The following RPTOR variants were observed in gnomAD, a reference collection of about 807,000 sequenced individuals.
RPTOR encodes the protein regulatory-associated protein of mTOR.
RPTOR carries 21 observed loss-of-function variants against 169.9 expected under a neutral mutation model. The ratio of observed to expected loss-of-function variants is 0.12; its 90% CI spans 0.09 to 0.18. RPTOR has a LOEUF of 0.18. RPTOR is among the 10% of genes least tolerant of loss of function. The pLI, the probability that RPTOR is intolerant of heterozygous loss-of-function variation, is 1.00. For missense variants in RPTOR, 1,133 were observed against 1,855.9 expected, an observed-to-expected ratio of 0.61 and a Z score of 7.16; for synonymous variants, 732 against 753.2, an observed-to-expected ratio of 0.97 and a Z score of 0.46.
chr17:80,583,196 T>TTTTTTTTTTTTTG (rs1555717407), intron 1 of RPTOR, among the ~76,000 whole-genome samples: 2 of 137,374 alleles, frequency 1.5e-5, no homozygotes, highest in African/African-American at 5.5e-5. Context: ...TTTTTTTTTT[T>TTTTTTTTTTTTTG]TTTTTTTTTT....
chr17:80,952,720 C>G (rs955043623), intron 28 of RPTOR, among the ~76,000 whole-genome samples: 25 of 152,296 alleles, frequency 1.6e-4, no homozygotes, highest in African/African-American at 6.0e-4. Flanking sequence ...TTCTTCCCGA[C>G]CCAAGGTGTC....
chr17:80,695,320 T>C lies in RPTOR; in HGVS notation c.349-12521T>C, dbSNP rs1421309697. Among the ~76,000 whole-genome samples the C allele has an allele frequency of 3.9e-5, 6 of 152,144 alleles. No homozygotes were observed. The East Asian group carries it at 1.2e-3, about 29-fold the overall frequency. Reference sequence around the variant, plus strand: ...CGGGCAGGGCCCGCGTTAGTTTAGTTGTTTGTGGAGGAGAAAATTGAGGTT... The same window carrying C: ...CGGGCAGGGCCCGCGTTAGTTTAGTCGTTTGTGGAGGAGAAAATTGAGGTT... On this transcript the variant is annotated intron_variant, in intron 3 of 33. Coordinates refer to ENST00000306801, the MANE Select transcript of RPTOR (RefSeq NM_020761.3). The surrounding 1 kb of genome is among the most constrained non-coding windows in gnomAD (Gnocchi z 4.9).
At chr17:80,720,974 AGACACTTCCCC>A (rs775345747) in intron 4 of RPTOR, among the ~76,000 whole-genome samples, 11 of 151,052 alleles carry the variant, frequency 7.3e-5, no homozygotes, top group Non-Finnish European at 1.0e-4. Flanking sequence ...GTGTCGGGAG[AGACACTTCCCC>A]GACCCCTTGT....
chr17:80,895,193 G>T (rs2068382812), intron 20 of RPTOR, among the ~76,000 whole-genome samples: 1 of 152,160 alleles, frequency 6.6e-6, no homozygotes, highest in Non-Finnish European at 1.5e-5. Context: ...ACCCAGCTCT[G>T]CTGGGCCCCA....
intron 3 of RPTOR, among the ~76,000 whole-genome samples, chr17:80,687,313 A>G (rs1390950389): frequency 6.6e-6 from 1 of 152,060 alleles, no homozygotes; most frequent in Non-Finnish European, 1.5e-5. Flanking sequence ...CACATGCACC[A>G]TGGGGTGCTC....
At chr17:80,939,492 G>A (rs1416195771) in intron 24 of RPTOR, among the ~76,000 whole-genome samples, 1 of 152,214 alleles carries the variant, frequency 6.6e-6, no homozygotes, top group Non-Finnish European at 1.5e-5. Context: ...AATAAACTTG[G>A]TCTTTCTGAA....
At chr17:80,838,631 C>T (rs532271393) in intron 10 of RPTOR, among the ~76,000 whole-genome samples, 35 of 152,334 alleles carry the variant, frequency 2.3e-4, no homozygotes, top group African/African-American at 8.2e-4. Flanking sequence ...GAAAGAGGAG[C>T]CTCTCACATC....
At chr17:80,787,284 GTGTTGCTCA>G (rs2067002866) in intron 6 of RPTOR, among the ~76,000 whole-genome samples, 1 of 152,142 alleles carries the variant, frequency 6.6e-6, no homozygotes, top group Non-Finnish European at 1.5e-5. Flanking sequence ...ACTTAGCATT[GTGTTGCTCA>G]TGTTCCTCCA....
In RPTOR at chr17:80,746,983, C is replaced by T. The variant is rs1411008236; in HGVS notation, c.655-7027C>T. Among the ~76,000 whole-genome samples the T allele has an allele frequency of 6.6e-6, 1 of 152,040 alleles. No homozygotes were observed. The highest frequency in any genetic ancestry group is 2.4e-5 in the African/African-American group (1 of 41,380). On this transcript the variant is annotated intron_variant, in intron 5 of 33. Coordinates refer to ENST00000306801, the MANE Select transcript of RPTOR (RefSeq NM_020761.3). The surrounding 1 kb of genome is among the most constrained non-coding windows in gnomAD (Gnocchi z 4.5). Reference sequence around the variant, plus strand: ...CTGTAACCCCAGAACTTCGGGAGGCCGAGGCAGGCAGCTCACTTGAGGTCA... The same window carrying T: ...CTGTAACCCCAGAACTTCGGGAGGCTGAGGCAGGCAGCTCACTTGAGGTCA...
intron 5 of RPTOR, among the ~76,000 whole-genome samples, chr17:80,744,223 C>A (rs71368082): frequency 2.1e-4 from 2 of 9,714 alleles, no homozygotes; most frequent in Admixed American, 1.1e-3. Flanking sequence ...ACTGTCCTGG[C>A]TACTAGCACA....
intron 13 of RPTOR, among the ~76,000 whole-genome samples, chr17:80,877,462 C>T (rs1437625708): frequency 6.6e-6 from 1 of 152,310 alleles, no homozygotes; most frequent in East Asian, 1.9e-4. Flanking sequence ...TGCCAGACTC[C>T]GATACCAAGG....
intron 1 of RPTOR, among the ~76,000 whole-genome samples, chr17:80,570,464 A>G (rs1371471959): frequency 1.3e-5 from 2 of 151,542 alleles, no homozygotes; most frequent in Non-Finnish European, 2.9e-5. Context: ...TTTTATTTTT[A>G]TTTTTTATCT....
At chr17:80,821,978 G>A (rs2067383872) in intron 7 of RPTOR, among the ~76,000 whole-genome samples, 1 of 152,190 alleles carries the variant, frequency 6.6e-6, no homozygotes, top group African/African-American at 2.4e-5. Flanking sequence ...AAGCTGTTTT[G>A]GAGATGTGCG....
At chr17:80,783,703 C>T (rs1034845980) in intron 6 of RPTOR, among the ~76,000 whole-genome samples, 4 of 152,298 alleles carry the variant, frequency 2.6e-5, no homozygotes, top group South Asian at 4.1e-4. Flanking sequence ...GGGATTGGCT[C>T]ATTATGTGGG....
intron 1 of RPTOR, among the ~76,000 whole-genome samples, chr17:80,569,544 T>G (rs2143300574): frequency 1.3e-5 from 2 of 152,170 alleles, no homozygotes; most frequent in South Asian, 4.2e-4. Context: ...AATGAATGAA[T>G]GAATGAATAA....
At chr17:80,822,982 C>G in intron 8 of RPTOR, 97 bp from the exon 9 acceptor site, 1 of 1,401,754 alleles carries the variant, frequency 7.1e-7, no homozygotes. Flanking sequence ...TTAGTCCCAA[C>G]TTTAGTAATT....
In RPTOR at chr17:80,831,083, G is replaced by A. The variant is rs539158340; in HGVS notation, c.1137-6839G>A. On this transcript the variant is annotated intron_variant, in intron 9 of 33. Coordinates refer to ENST00000306801, the MANE Select transcript of RPTOR (RefSeq NM_020761.3). ...TTAAAGCAGCTCTTTGCTTCCCAGC[G>A]GAGATTCCATAGCAGCCGTGTGTTG... Among the ~76,000 whole-genome samples the A allele has an allele frequency of 1.5e-4, 23 of 152,204 alleles. No homozygotes were observed. In the South Asian group the frequency reaches 4.2e-3, roughly 27 times the overall value.
chr17:80,918,568 G>GCGGGGGTCATAGC, intron 21 of RPTOR, among the ~76,000 whole-genome samples: 1 of 151,246 alleles, frequency 6.6e-6, no homozygotes, highest in Non-Finnish European at 1.5e-5. Context: ...TAGCCATGAG[G>GCGGGGGTCATAGC]CACTAGGTTG....
At chr17:80,580,331 G>C (rs1244776162) in intron 1 of RPTOR, among the ~76,000 whole-genome samples, 1 of 152,142 alleles carries the variant, frequency 6.6e-6, no homozygotes, top group African/African-American at 2.4e-5. Context: ...TAGGGGAATT[G>C]GCACGTTTTG....
Sources: gnomAD v4.1 joint callset for allele counts (sites outside exome capture counted in the v4.1 genomes callset) on GRCh38, gnomAD v4.1.1 for gene constraint, Gnocchi (gnomAD v3.1) non-coding constraint, MANE v1.5 for transcripts, NCBI Gene and HGNC (gene_info 2026-07-23, HGNC 2026-07-21) for gene names.